GLIS1: variants seen among roughly 807,000 people sequenced by gnomAD.
GLIS1 encodes the protein zinc finger protein GLIS1.
In GLIS1, 24 loss-of-function variants were observed where a neutral mutation model predicts 63.8. That is an observed-to-expected ratio of 0.38 (90% CI 0.27 to 0.53). The LOEUF (loss-of-function observed/expected upper bound fraction) is 0.53. Ranked by LOEUF, GLIS1 falls within the 20% of genes least tolerant of loss-of-function variation. GLIS1 has a pLI of 0.85. For synonymous variants in GLIS1, 450 were observed against 482.5 expected, an observed-to-expected ratio of 0.93 and a Z score of 0.88; for missense variants, 1,036 against 1,074.1, an observed-to-expected ratio of 0.96 and a Z score of 0.50.
chr1:53,522,986 CTTTTTTTTT>C (rs1553120127), intron 6 of GLIS1, among the ~76,000 whole-genome samples: 13 of 43,702 alleles, frequency 3.0e-4, no homozygotes, highest in Non-Finnish European at 8.5e-4. Context: ...TCTTTTCTTT[CTTTTTTTTT>C]TTTTTTTTTT....
intron 2 of GLIS1, among the ~76,000 whole-genome samples, chr1:53,700,956 A>C (rs1646517373): frequency 6.6e-6 from 1 of 152,230 alleles, no homozygotes; most frequent in African/African-American, 2.4e-5. Flanking sequence ...GTACTTCATT[A>C]CTTTTTATGG....
intron 2 of GLIS1, among the ~76,000 whole-genome samples, chr1:53,689,984 T>C (rs113383141): frequency 0.027 from 4,096 of 152,276 alleles, 79 homozygotes; most frequent in Non-Finnish European, 0.044. Flanking sequence ...AACACAAGCC[T>C]ATCTCTTCCC....
At chr1:53,719,012 C>T (rs748171878) in intron 2 of GLIS1, among the ~76,000 whole-genome samples, 1 of 152,160 alleles carries the variant, frequency 6.6e-6, no homozygotes, top group African/African-American at 2.4e-5. Context: ...GGAGCTCCTC[C>T]GGTTGGCAGG....
chr1:53,689,237 G>C (rs1011599735), intron 2 of GLIS1, among the ~76,000 whole-genome samples: 1 of 152,206 alleles, frequency 6.6e-6, no homozygotes, highest in African/African-American at 2.4e-5. Flanking sequence ...CTGTGATGGA[G>C]CGAAGCAGGG....
intron 4 of GLIS1, among the ~76,000 whole-genome samples, chr1:53,556,364 G>A (rs573062477): frequency 0.013 from 1,475 of 116,698 alleles, 7 homozygotes; most frequent in Middle Eastern, 0.048. Context: ...TGTGTATGCA[G>A]ATGTGTCTGT....
intron 2 of GLIS1, among the ~76,000 whole-genome samples, chr1:53,732,089 G>A (rs946405689): frequency 9.8e-5 from 15 of 152,358 alleles, no homozygotes; most frequent in African/African-American, 9.6e-5. Flanking sequence ...CAGGAAATGC[G>A]TTATTCAGTT....
In GLIS1 at chr1:53,594,812, G is replaced by A. The variant is rs777214295; in HGVS notation, c.616C>T (p.Leu206Phe). ...HPDLDLPGRS[L>F]ATPAPSCYLL... ...TAGCAGGAAGGCGCAGGGGTGGCGA[G>A]GCTTCGGCCCGGGAGGTCCAGGTCT... is the stretch of plus-strand genomic sequence containing the variant. The change falls in exon 4 of 11, where the codon CTC (leucine) becomes TTC (phenylalanine). Residue 206 changes from leucine to phenylalanine, a missense_variant. This residue lies in a region of GLIS1 where 592 missense variants were observed against 593.9 expected (regional missense o/e 1.00). Transcript: ENST00000628545. The A allele has an allele frequency of 1.2e-5, 20 of 1,606,948 alleles. No homozygotes were observed. The East Asian group carries it at 1.3e-4, about 11-fold the overall frequency.
intron 2 of GLIS1, among the ~76,000 whole-genome samples, chr1:53,642,653 T>C (rs1645800410): frequency 6.6e-6 from 1 of 152,226 alleles, no homozygotes; most frequent in East Asian, 1.9e-4. Context: ...AGGACTTGCC[T>C]TCCAGCCTCA....
intron 2 of GLIS1, among the ~76,000 whole-genome samples, chr1:53,661,557 G>A (rs61548057): frequency 0.034 from 5,141 of 152,286 alleles, 277 homozygotes; most frequent in African/African-American, 0.12. Context: ...TCTTAAAGGG[G>A]AGGCGTGGGG....
At chr1:53,672,925 C>G (rs1055242476) in intron 2 of GLIS1, among the ~76,000 whole-genome samples, 2 of 152,236 alleles carry the variant, frequency 1.3e-5, no homozygotes, top group African/African-American at 4.8e-5. Context: ...CTGGGACTGG[C>G]TGCAGGGCTC....
chr1:53,557,357 G>A (rs1196000401), intron 4 of GLIS1, among the ~76,000 whole-genome samples: 1 of 152,108 alleles, frequency 6.6e-6, no homozygotes, highest in African/African-American at 2.4e-5. Context: ...GGAGCATTGT[G>A]CAACTTGGCC....
At chr1:53,599,371 G>A (rs954948351) in intron 3 of GLIS1, among the ~76,000 whole-genome samples, 1 of 152,148 alleles carries the variant, frequency 6.6e-6, no homozygotes, top group African/African-American at 2.4e-5. Flanking sequence ...AAAGAGACCC[G>A]AGCTAGCGTG....
At chr1:53,602,511 G>C (rs1645328921) in intron 2 of GLIS1, among the ~76,000 whole-genome samples, 1 of 152,132 alleles carries the variant, frequency 6.6e-6, no homozygotes, top group Non-Finnish European at 1.5e-5. Flanking sequence ...AGGCCCCTCT[G>C]GGGCCTTGGG....
At chr1:53,717,530 G>A (rs574099360) in intron 2 of GLIS1, among the ~76,000 whole-genome samples, 3 of 152,156 alleles carry the variant, frequency 2.0e-5, no homozygotes, top group South Asian at 2.1e-4. Context: ...CTTCTTCTAC[G>A]GGGAAAATTA....
chr1:53,702,675 C>G (rs556021469), intron 2 of GLIS1, among the ~76,000 whole-genome samples: 5 of 152,344 alleles, frequency 3.3e-5, no homozygotes, highest in African/African-American at 1.2e-4. Flanking sequence ...TGACAGTCTG[C>G]CCTGAAATTC....
At chr1:53,591,331 C>T (rs1645191478) in intron 4 of GLIS1, among the ~76,000 whole-genome samples, 2 of 152,168 alleles carry the variant, frequency 1.3e-5, no homozygotes, top group Admixed American at 6.5e-5. Context: ...AGGGGAGGCT[C>T]TGACAAGCCT....
rs548694829 is a variant in GLIS1, at chr1:53,631,033, A to G, written c.260-30755T>C. 5.9e-5 allele frequency among the ~76,000 whole-genome samples: 9 copies of G among 152,302 alleles called. No individual in the cohort carries two copies. The South Asian group carries it at 1.9e-3, about 32-fold the overall frequency. On this transcript the variant is annotated intron_variant, in intron 2 of 10. Coordinates refer to ENST00000628545, the MANE Select transcript of GLIS1 (RefSeq NM_001367484.1). ...GTGAGAGCTTTTTAATGTAGTAAGG[A>G]TATCAGGTTTGCTCTTTGTAGCAAA...
At chr1:53,710,174 C>G (rs1385507441) in intron 2 of GLIS1, among the ~76,000 whole-genome samples, 1 of 152,218 alleles carries the variant, frequency 6.6e-6, no homozygotes, top group Non-Finnish European at 1.5e-5. Flanking sequence ...TCCCAAGCCC[C>G]CCAAACACCA....
At chr1:53,556,076 T>TTGTG (rs1644819840) in intron 4 of GLIS1, among the ~76,000 whole-genome samples, 2 of 59,332 alleles carry the variant, frequency 3.4e-5, no homozygotes, top group African/African-American at 7.0e-5. Context: ...TACTGTAGGT[T>TTGTG]TGTGTGTGCA....
Sources: gnomAD v4.1 joint callset for allele counts (sites outside exome capture counted in the v4.1 genomes callset) on GRCh38, gnomAD v4.1.1 for gene constraint, gnomAD v4.1.1 regional missense constraint, MANE v1.5 for transcripts, NCBI Gene and HGNC (gene_info 2026-07-23, HGNC 2026-07-21) for gene names.